Variants in CTTNBP2NL observed in about 807,000 individuals in gnomAD.
CTTNBP2NL encodes CTTNBP2 N-terminal like, also known as CTTNBP2 N-terminal-like protein.
CTTNBP2NL carries 16 observed loss-of-function variants against 32.5 expected under a neutral mutation model. The observed-to-expected ratio is 0.49, with a 90% confidence interval of 0.33 to 0.75. CTTNBP2NL has a LOEUF of 0.75. CTTNBP2NL is among the 30% of genes least tolerant of loss of function. The pLI, the probability that CTTNBP2NL is intolerant of heterozygous loss-of-function variation, is 0.02. For missense variants in CTTNBP2NL, 645 were observed against 756.0 expected (o/e 0.85, Z 1.72); for synonymous variants, 298 against 289.4 (o/e 1.03, Z -0.30).
chr1:112,448,727 T>C (rs1650125100), intron 3 of CTTNBP2NL, among the ~76,000 whole-genome samples: 1 of 152,206 alleles, frequency 6.6e-6, no homozygotes, highest in South Asian at 2.1e-4. Context: ...TTTAAAACAA[T>C]GTCTAATACA....
At chr1:112,444,490 T>C (rs1649979594) in intron 3 of CTTNBP2NL, among the ~76,000 whole-genome samples, 1 of 152,216 alleles carries the variant, frequency 6.6e-6, no homozygotes, top group African/African-American at 2.4e-5. Context: ...GAGTAATAGA[T>C]GACTAGTGTG....
Position 112,460,891 on chromosome 1 carries a change from GTGTGTGTGTGTGTA to G in CTTNBP2NL, c.*3493_*3506del, listed in dbSNP as rs1650532985. On this transcript the variant is annotated 3_prime_UTR_variant, in exon 6 of 6. Coordinates refer to ENST00000271277, the MANE Select transcript of CTTNBP2NL (RefSeq NM_018704.3). ...CAGCAGTGCTGCCTTGTCAATTTGT[GTGTGTGTGTGTGTA>G]TGTGTGTGTGTGTGTGAATTCATAA... 6.6e-6 allele frequency: 1 copy of G among 151,862 alleles called. No homozygotes were observed. Among genetic ancestry groups the G allele is most frequent in the Admixed American group, 6.6e-5 (1 of 15,252 alleles). 9.4% of individuals were successfully genotyped at this position (151,862 alleles called of 1,614,324 possible).
At chr1:112,421,596 C>T (rs1376590399) in intron 3 of CTTNBP2NL, among the ~76,000 whole-genome samples, 2 of 146,124 alleles carry the variant, frequency 1.4e-5, no homozygotes, top group East Asian at 2.0e-4. Context: ...CCACTGTGCC[C>T]GGCAAGACCC....
chr1:112,439,672 A>G (rs1649841775), intron 3 of CTTNBP2NL, among the ~76,000 whole-genome samples: 1 of 152,212 alleles, frequency 6.6e-6, no homozygotes, highest in African/African-American at 2.4e-5. Context: ...AACTTTAAGT[A>G]TCACACACAG....
rs1212840514 is a variant in CTTNBP2NL, at chr1:112,455,234, AGTGGTTCACGCCT to A, written c.438+681_439-682del. Among the ~76,000 whole-genome samples, 3 of 152,280 alleles carry A rather than the reference AGTGGTTCACGCCT, an allele frequency of 2.0e-5. No homozygotes were observed. The East Asian group carries it at 5.8e-4, about 29-fold the overall frequency. On this transcript the variant is annotated intron_variant, in intron 5 of 5. Coordinates refer to ENST00000271277, the MANE Select transcript of CTTNBP2NL (RefSeq NM_018704.3). ...AAAAAATATGATTCAGGCTGGGCACAGTGGTTCACGCCTGTAATCCCAGCACTTTTGGAGGCCG... is the reference window on the plus strand; with the variant it reads ...AAAAAATATGATTCAGGCTGGGCACAGTAATCCCAGCACTTTTGGAGGCCG...
chr1:112,438,714 T>C (rs751280751), intron 3 of CTTNBP2NL, among the ~76,000 whole-genome samples: 13 of 152,208 alleles, frequency 8.5e-5, no homozygotes, highest in Non-Finnish European at 1.6e-4. Context: ...ACTTCTGTTA[T>C]GAACAGAAGA....
At chr1:112,399,306 GA>G (rs1406571500) in intron 1 of CTTNBP2NL, among the ~76,000 whole-genome samples, 2 of 123,222 alleles carry the variant, frequency 1.6e-5, no homozygotes, top group Non-Finnish European at 3.2e-5. Context: ...GAAACAAAGC[GA>G]GACTCTGTCT....
chr1:112,419,556 TAA>T (rs5777112), intron 3 of CTTNBP2NL, among the ~76,000 whole-genome samples: 1 of 150,054 alleles, frequency 6.7e-6, no homozygotes, highest in Non-Finnish European at 1.5e-5. Flanking sequence ...CACCAAAAAT[TAA>T]AAAAAAAATA....
chr1:112,455,099 T>G (rs1279896152), intron 5 of CTTNBP2NL, among the ~76,000 whole-genome samples: 2 of 152,208 alleles, frequency 1.3e-5, no homozygotes, highest in African/African-American at 4.8e-5. Context: ...CATCCATTAA[T>G]GGATCTCAGA....
At chr1:112,448,605 A>G (rs1650122559) in intron 3 of CTTNBP2NL, among the ~76,000 whole-genome samples, 1 of 152,188 alleles carries the variant, frequency 6.6e-6, no homozygotes, top group Admixed American at 6.5e-5. Context: ...ATCCCAATTC[A>G]GACAGCTTGC....
chr1:112,411,932 A>G (rs1268095117), intron 1 of CTTNBP2NL, among the ~76,000 whole-genome samples: 2 of 152,172 alleles, frequency 1.3e-5, no homozygotes, highest in Non-Finnish European at 2.9e-5. Flanking sequence ...CAGAAGTTAA[A>G]ATGGCAGTGG....
chr1:112,441,754 G>A (rs1408487477), intron 3 of CTTNBP2NL, among the ~76,000 whole-genome samples: 1 of 152,070 alleles, frequency 6.6e-6, no homozygotes, highest in Non-Finnish European at 1.5e-5. Flanking sequence ...CTGTATAGTG[G>A]TATCTTTTTA....
rs1239412500 is a variant in CTTNBP2NL, at chr1:112,424,983, A to ATT, written c.99+8736_99+8737dup. On this transcript the variant is annotated intron_variant, in intron 3 of 5. Transcript: ENST00000271277. Reference sequence around the variant, plus strand: ...GGCACACACCACAACGCCCAGCTAAATTTTTTTTTTTTTTTTTTGGTAGAG... The same window carrying ATT: ...GGCACACACCACAACGCCCAGCTAAATTTTTTTTTTTTTTTTTTTTGGTAGAG... Among the ~76,000 whole-genome samples, 305 of 134,370 alleles carry ATT rather than the reference A, an allele frequency of 2.3e-3. 3 individuals carry two copies. The highest frequency in any genetic ancestry group is 7.7e-3 in the African/African-American group (283 of 36,554). The allele number at this position is 134,370 out of a possible 152,430, so 88.2% of individuals were successfully genotyped here. A position where few individuals can be genotyped will look rare whatever the true frequency, so the allele number is the denominator to read the frequency against.
chr1:112,432,030 G>T (rs948495835), intron 3 of CTTNBP2NL, among the ~76,000 whole-genome samples: 2 of 151,118 alleles, frequency 1.3e-5, no homozygotes, highest in Non-Finnish European at 2.9e-5. Flanking sequence ...AGGGGGTTAC[G>T]GTCAGGAAGA....
At chr1:112,418,577 A>G (rs1197328182) in intron 3 of CTTNBP2NL, among the ~76,000 whole-genome samples, 5 of 152,160 alleles carry the variant, frequency 3.3e-5, no homozygotes. Context: ...CAGAAAAAAA[A>G]AAACTTCTTT....
chr1:112,401,020 G>A (rs946406102), intron 1 of CTTNBP2NL, among the ~76,000 whole-genome samples: 9 of 150,526 alleles, frequency 6.0e-5, no homozygotes, highest in African/African-American at 1.5e-4. Context: ...ACATACACGT[G>A]CACATATCAC....
chr1:112,407,242 C>T (rs1648694211), intron 1 of CTTNBP2NL, among the ~76,000 whole-genome samples: 1 of 152,172 alleles, frequency 6.6e-6, no homozygotes, highest in African/African-American at 2.4e-5. Flanking sequence ...TCCAGTTGTT[C>T]TAATCATCTG....
chr1:112,393,019 A>G (rs879917803), upstream of CTTNBP2NL, among the ~76,000 whole-genome samples: 2 of 152,032 alleles, frequency 1.3e-5, no homozygotes, highest in Admixed American at 6.6e-5. Flanking sequence ...CACCATGCCC[A>G]GCTAATTTTT....
chr1:112,411,755 T>C (rs1648874671), intron 1 of CTTNBP2NL, among the ~76,000 whole-genome samples: 1 of 151,904 alleles, frequency 6.6e-6, no homozygotes, highest in African/African-American at 2.4e-5. Flanking sequence ...CAATCTCGGC[T>C]CACTACAAGC....
Sources: gnomAD v4.1 joint callset for allele counts (sites outside exome capture counted in the v4.1 genomes callset) on GRCh38, gnomAD v4.1.1 for gene constraint, MANE v1.5 for transcripts, NCBI Gene and HGNC (gene_info 2026-07-23, HGNC 2026-07-21) for gene names.